Variants in AKAP6 observed in about 807,000 individuals in gnomAD.
AKAP6 encodes A-kinase anchor protein 6.
In AKAP6, 58 loss-of-function variants were observed where a neutral mutation model predicts 188.5. That is an observed-to-expected ratio of 0.31 (90% CI 0.25 to 0.38). The LOEUF (loss-of-function observed/expected upper bound fraction) is 0.38. AKAP6 is among the 10% of genes least tolerant of loss of function. AKAP6 has a pLI of 1.00. For missense variants in AKAP6, 2,710 were observed against 2,740.0 expected (o/e 0.99, Z 0.24); for synonymous variants, 989 against 998.6 (o/e 0.99, Z 0.18).
chr14:32,490,956 T>G (rs906774350), intron 2 of AKAP6, among the ~76,000 whole-genome samples: 2 of 152,222 alleles, frequency 1.3e-5, no homozygotes. Flanking sequence ...TGAATAGTGA[T>G]GATAATTTTA....
chr14:32,342,905 A>C (rs1050856976), intron 1 of AKAP6, among the ~76,000 whole-genome samples: 1 of 152,100 alleles, frequency 6.6e-6, no homozygotes, highest in South Asian at 2.1e-4. Context: ...TTTTTTGCAC[A>C]ATTATCATTT....
intron 1 of AKAP6, among the ~76,000 whole-genome samples, chr14:32,383,775 G>A (rs552345003): frequency 1.3e-5 from 2 of 152,230 alleles, no homozygotes; most frequent in African/African-American, 2.4e-5. Flanking sequence ...GTTTAAACAT[G>A]GCTCCTGAGT....
intron 4 of AKAP6, among the ~76,000 whole-genome samples, chr14:32,551,789 A>G (rs1270782119): frequency 6.6e-6 from 1 of 150,756 alleles, no homozygotes; most frequent in Non-Finnish European, 1.5e-5. Flanking sequence ...CTTCTGAGGT[A>G]GCTGGGACTA....
chr14:32,413,824 C>T (rs1463028860), intron 1 of AKAP6, among the ~76,000 whole-genome samples: 2 of 151,642 alleles, frequency 1.3e-5, no homozygotes, highest in Non-Finnish European at 2.9e-5. Context: ...GAGGATGAGC[C>T]CAAAGCAGAG....
intron 12 of AKAP6, among the ~76,000 whole-genome samples, chr14:32,787,368 A>G (rs1453930987): frequency 2.6e-5 from 4 of 152,232 alleles, no homozygotes; most frequent in African/African-American, 9.6e-5. Flanking sequence ...ACCTCAGCTT[A>G]TAATTTCATT....
chr14:32,342,502 C>T (rs911257983), intron 1 of AKAP6, among the ~76,000 whole-genome samples: 5 of 152,160 alleles, frequency 3.3e-5, no homozygotes, highest in Admixed American at 1.3e-4. Flanking sequence ...AGATCTAGGT[C>T]ATGCTCTTCT....
chr14:32,416,648 G>A (rs950023625), intron 1 of AKAP6, among the ~76,000 whole-genome samples: 7 of 151,770 alleles, frequency 4.6e-5, no homozygotes, highest in African/African-American at 7.3e-5. Context: ...TCTGCCTCCC[G>A]GGTTCAAGTG....
chr14:32,786,541 G>T (rs1943484642), intron 12 of AKAP6, among the ~76,000 whole-genome samples: 1 of 151,604 alleles, frequency 6.6e-6, no homozygotes, highest in Non-Finnish European at 1.5e-5. Context: ...AGCCAGGATG[G>T]TTTCGATCTC....
intron 5 of AKAP6, among the ~76,000 whole-genome samples, chr14:32,580,442 T>C (rs1884910206): frequency 6.6e-6 from 1 of 152,124 alleles, no homozygotes; most frequent in Non-Finnish European, 1.5e-5. Flanking sequence ...TCTATCTCTC[T>C]CCCTTCTCTC....
chr14:32,450,729 G>T (rs1316627385), intron 2 of AKAP6, among the ~76,000 whole-genome samples: 1 of 151,968 alleles, frequency 6.6e-6, no homozygotes, highest in East Asian at 1.9e-4. Flanking sequence ...CTGCAAGTTT[G>T]CTCCTTGCTT....
chr14:32,608,564 C>T (rs1293435385), intron 7 of AKAP6, among the ~76,000 whole-genome samples: 2 of 151,722 alleles, frequency 1.3e-5, no homozygotes, highest in Non-Finnish European at 1.5e-5. Context: ...TGCTGGTGGC[C>T]TTGAGAATAG....
At chr14:32,608,201 T>C (rs187008229) in intron 7 of AKAP6, among the ~76,000 whole-genome samples, 1 of 152,244 alleles carries the variant, frequency 6.6e-6, no homozygotes, top group East Asian at 1.9e-4. Context: ...GTTCTTGGTC[T>C]ATATAGTGTA....
At chr14:32,738,851 C>G (rs1044786656) in intron 11 of AKAP6, among the ~76,000 whole-genome samples, 4 of 152,088 alleles carry the variant, frequency 2.6e-5, no homozygotes, top group African/African-American at 9.7e-5. Flanking sequence ...CATCATAGTG[C>G]AAAAGCAGCC....
At chr14:32,583,638 C>T (rs1885086683) in intron 5 of AKAP6, among the ~76,000 whole-genome samples, 1 of 152,230 alleles carries the variant, frequency 6.6e-6, no homozygotes, top group Admixed American at 6.5e-5. Context: ...CCAGTTCGAG[C>T]TTCCTGGCTG....
At position 32,404,711 on chromosome 14, in the gene AKAP6, T is replaced by TATATATATATATATATATATATATATA. The variant is rs1555325855; in HGVS notation, c.-34-28749_-34-28748insATATATATATATATATATATATATATA. On this transcript the variant is annotated intron_variant, in intron 1 of 13. Coordinates refer to ENST00000280979, the MANE Select transcript of AKAP6 (RefSeq NM_004274.5). ...CAGGAGATATATATATATATATATA[T>TATATATATATATATATATATATATATA]TAGTCAGAATGTCAGCAGGAAATAG... Among the ~76,000 whole-genome samples the TATATATATATATATATATATATATATA allele has an allele frequency of 2.0e-3, 251 of 128,282 alleles. 1 individual carries two copies. Among genetic ancestry groups the TATATATATATATATATATATATATATA allele is most frequent in the Non-Finnish European group, 2.7e-3 (161 of 59,128 alleles). 84.2% of individuals were successfully genotyped at this position (128,282 alleles called of 152,430 possible).
chr14:32,404,713 A>ATATATATATATATATATATATAT (rs1566485643), intron 1 of AKAP6, among the ~76,000 whole-genome samples: 7 of 9,604 alleles, frequency 7.3e-4, no homozygotes, highest in Non-Finnish European at 2.2e-3. Flanking sequence ...TATATATATT[A>ATATATATATATATATATATATAT]GTCAGAATGT....
In AKAP6 at chr14:32,798,963, G is replaced by T. The variant is rs139668882; in HGVS notation, c.3589-22439G>T. Among the ~76,000 whole-genome samples, 624 of 152,274 alleles carry T rather than the reference G, an allele frequency of 4.1e-3. 3 individuals carry two copies. Among genetic ancestry groups the T allele is most frequent in the African/African-American group, 7.6e-3 (316 of 41,552 alleles). On this transcript the variant is annotated intron_variant, in intron 12 of 13. Coordinates refer to ENST00000280979, the MANE Select transcript of AKAP6 (RefSeq NM_004274.5). ...GTAAAAACTGTTTTGAACAGCTGCT[G>T]CCACATAGTCAATGAATGTTAATTG...
chr14:32,417,687 T>A (rs1385724798), intron 1 of AKAP6: 2 of 152,222 alleles, frequency 1.3e-5, no homozygotes, highest in African/African-American at 4.8e-5. Flanking sequence ...TGCCTTCTTA[T>A]AAATCTAAGT....
At chr14:32,665,207 C>A (rs1888874021) in intron 7 of AKAP6, among the ~76,000 whole-genome samples, 1 of 152,022 alleles carries the variant, frequency 6.6e-6, no homozygotes, top group Admixed American at 6.6e-5. Flanking sequence ...GAGACAGTGT[C>A]ATATCCCACA....
Sources: allele counts gnomAD v4.1 joint callset (sites outside exome capture counted in the v4.1 genomes callset), GRCh38; gene constraint gnomAD v4.1.1; transcripts MANE v1.5; gene names NCBI Gene and HGNC (gene_info 2026-07-23, HGNC 2026-07-21).